The following ATG10 variants were observed in gnomAD, a reference collection of about 807,000 sequenced individuals.
ATG10 encodes the protein autophagy related 10, also known as ubiquitin-like-conjugating enzyme ATG10.
ATG10 carries 30 observed loss-of-function variants against 32.1 expected under a neutral mutation model. The observed-to-expected ratio is 0.94, with a 90% confidence interval of 0.70 to 1.27. ATG10 has a LOEUF of 1.27. Among genes scored for constraint, ATG10 ranks in the 50% most tolerant of loss-of-function variants. ATG10 has a pLI of 0.00. For missense variants in ATG10, 233 were observed against 262.3 expected, an observed-to-expected ratio of 0.89 and a Z score of 0.77; for synonymous variants, 87 against 91.5, an observed-to-expected ratio of 0.95 and a Z score of 0.28.
intron 4 of ATG10, among the ~76,000 whole-genome samples, chr5:82,172,381 ATTTCT>A (rs1288308182): frequency 2.0e-5 from 3 of 152,070 alleles, no homozygotes; most frequent in Non-Finnish European, 4.4e-5. Flanking sequence ...GAACTTTGCC[ATTTCT>A]TTTCTTTCAT....
chr5:82,194,412 G>A (rs1561350558), intron 5 of ATG10, among the ~76,000 whole-genome samples: 1 of 152,194 alleles, frequency 6.6e-6, no homozygotes, highest in South Asian at 2.1e-4. Flanking sequence ...TTAAAGGCAG[G>A]CAGCTGACAC....
At chr5:82,009,862 T>C in intron 2 of ATG10, 1 of 1,609,330 alleles carries the variant, frequency 6.2e-7, no homozygotes, top group Non-Finnish European at 8.5e-7. Flanking sequence ...TCCCCATAGA[T>C]GGACTTGCCA....
chr5:82,149,250 AC>A (rs1300139620), intron 3 of ATG10, among the ~76,000 whole-genome samples: 1 of 151,858 alleles, frequency 6.6e-6, no homozygotes, highest in African/African-American at 2.4e-5. Flanking sequence ...CCCCGTATTT[AC>A]TTTTATCTAG....
At chr5:82,007,718 T>A (rs1347002462) in intron 2 of ATG10, among the ~76,000 whole-genome samples, 1 of 152,140 alleles carries the variant, frequency 6.6e-6, no homozygotes, top group Non-Finnish European at 1.5e-5. Context: ...CCTCCCAAAG[T>A]GTTAACGATT....
At chr5:82,033,327 TTTC>T (rs770097200) in intron 2 of ATG10, among the ~76,000 whole-genome samples, 54 of 151,910 alleles carry the variant, frequency 3.6e-4, no homozygotes, top group Non-Finnish European at 4.4e-4. Context: ...TTATTGCTCC[TTTC>T]TTCTTCTTCT....
chr5:82,152,651 C>A (rs1266967002), intron 3 of ATG10, among the ~76,000 whole-genome samples: 2 of 152,304 alleles, frequency 1.3e-5, no homozygotes, highest in East Asian at 3.9e-4. Context: ...CATTAGTACC[C>A]AGATCATCAC....
chr5:82,028,085 C>T (rs1372429270), intron 2 of ATG10, among the ~76,000 whole-genome samples: 1 of 152,146 alleles, frequency 6.6e-6, no homozygotes, highest in Non-Finnish European at 1.5e-5. Context: ...GATAGAAGCC[C>T]TCATTTTACC....
At chr5:82,086,709 C>G (rs1764708439) in intron 3 of ATG10, among the ~76,000 whole-genome samples, 2 of 152,112 alleles carry the variant, frequency 1.3e-5, no homozygotes, top group African/African-American at 4.8e-5. Context: ...AGCCAAGATT[C>G]AAAGGCAGGA....
At chr5:82,045,964 G>A (rs904517463) in intron 2 of ATG10, among the ~76,000 whole-genome samples, 3 of 152,148 alleles carry the variant, frequency 2.0e-5, no homozygotes, top group African/African-American at 7.2e-5. Context: ...CTACCGTGCA[G>A]CCTTCTCTCA....
intron 2 of ATG10, among the ~76,000 whole-genome samples, chr5:82,023,892 G>A (rs370314008): frequency 6.6e-6 from 1 of 152,164 alleles, no homozygotes; most frequent in African/African-American, 2.4e-5. Context: ...TAGAGCGATT[G>A]CACAATGGAG....
At chr5:82,073,290 T>G (rs1764182326) in intron 3 of ATG10, 1 of 152,226 alleles carries the variant, frequency 6.6e-6, no homozygotes, top group Non-Finnish European at 1.5e-5. Flanking sequence ...TTAAAAATGC[T>G]GGTCAAGGCC....
chr5:82,051,530 T>C (rs567577120), intron 2 of ATG10, among the ~76,000 whole-genome samples: 146 of 152,326 alleles, frequency 9.6e-4, no homozygotes, highest in Non-Finnish European at 8.7e-4. Flanking sequence ...TTTGTCTAAA[T>C]GAGCCAGAGG....
chr5:82,064,492 G>A (rs112850008), intron 3 of ATG10, among the ~76,000 whole-genome samples: 12 of 152,122 alleles, frequency 7.9e-5, no homozygotes, highest in African/African-American at 2.2e-4. Flanking sequence ...CTTAGCTCCC[G>A]ATGTTTTTAT....
At chr5:82,210,842 A>G (rs1307282958) in intron 5 of ATG10, among the ~76,000 whole-genome samples, 1 of 152,196 alleles carries the variant, frequency 6.6e-6, no homozygotes, top group East Asian at 1.9e-4. Context: ...TACTCAGGAC[A>G]AGAATGTATG....
rs868667265 is a variant in ATG10, at chr5:81,978,381, T to A, written c.-13+6075T>A. Among the ~76,000 whole-genome samples, 7 of 152,158 alleles carry A rather than the reference T, an allele frequency of 4.6e-5. No individual in the cohort carries two copies. In the South Asian group the frequency reaches 1.4e-3, roughly 31 times the overall value. ...CACTGCTCCTTTCTGTCTCTTCTTA[T>A]TTTTTGGATACTTTTGGCCAAGGAT... is the stretch of plus-strand genomic sequence containing the variant. On this transcript the variant is annotated intron_variant, in intron 1 of 7. Transcript: ENST00000282185.
At chr5:82,033,634 T>C (rs1404509267) in intron 2 of ATG10, among the ~76,000 whole-genome samples, 1 of 151,940 alleles carries the variant, frequency 6.6e-6, no homozygotes, top group East Asian at 1.9e-4. Context: ...CAACTAGACA[T>C]TGGAGTGCAT....
intron 5 of ATG10, among the ~76,000 whole-genome samples, chr5:82,250,698 C>A (rs1190687161): frequency 1.3e-5 from 2 of 152,108 alleles, no homozygotes; most frequent in Non-Finnish European, 2.9e-5. Flanking sequence ...TTTATTCGTT[C>A]TGTGTGTTTA....
At chr5:82,188,435 A>G (rs527475086) in intron 5 of ATG10, among the ~76,000 whole-genome samples, 1 of 152,354 alleles carries the variant, frequency 6.6e-6, no homozygotes, top group East Asian at 1.9e-4. Context: ...CAGCTTATCA[A>G]TACAAAAATA....
chr5:82,004,597 T>A (rs1001864099), intron 2 of ATG10, among the ~76,000 whole-genome samples: 2 of 152,146 alleles, frequency 1.3e-5, no homozygotes, highest in Admixed American at 1.3e-4. Context: ...GGGTTTTTTG[T>A]TTTTGTTGTT....
Sources: allele counts gnomAD v4.1 joint callset (sites outside exome capture counted in the v4.1 genomes callset), GRCh38; gene constraint gnomAD v4.1.1; transcripts MANE v1.5; gene names NCBI Gene and HGNC (gene_info 2026-07-23, HGNC 2026-07-21).